The following DZIP1L variants were observed in gnomAD, a reference collection of about 807,000 sequenced individuals.
The protein encoded by DZIP1L is cilium assembly protein DZIP1L.
Under a neutral mutation model 88.7 loss-of-function variants are expected in DZIP1L, and 90 were observed. The ratio of observed to expected loss-of-function variants is 1.02; its 90% CI spans 0.86 to 1.21. DZIP1L has a LOEUF of 1.21. DZIP1L is among the 50% of genes most tolerant of loss of function. The probability of loss-of-function intolerance (pLI) is 0.00; values close to 1 mark genes in which losing one functional copy is unlikely to be tolerated. For synonymous variants in DZIP1L, 363 were observed against 372.1 expected (o/e 0.98, Z 0.28); for missense variants, 932 against 955.8 (o/e 0.98, Z 0.33).
At chr3:138,105,103 C>A (rs944751157) in intron 1 of DZIP1L, among the ~76,000 whole-genome samples, 8 of 152,058 alleles carry the variant, frequency 5.3e-5, no homozygotes, top group Non-Finnish European at 7.4e-5. Context: ...AAATGATAAT[C>A]TCCAATATAT....
chr3:138,110,146 T>C (rs2042594130), intron 1 of DZIP1L, among the ~76,000 whole-genome samples: 1 of 152,100 alleles, frequency 6.6e-6, no homozygotes, highest in African/African-American at 2.4e-5. Context: ...GCTTTTGGTG[T>C]TTTAGTCATG....
intron 5 of DZIP1L, among the ~76,000 whole-genome samples, chr3:138,091,135 C>T (rs1012960201): frequency 6.6e-5 from 10 of 151,364 alleles, no homozygotes; most frequent in African/African-American, 2.4e-4. Context: ...GCTGGGATTA[C>T]AGGTGTGAGC....
intron 6 of DZIP1L, among the ~76,000 whole-genome samples, chr3:138,088,019 T>C (rs552307258): frequency 3.3e-5 from 5 of 152,308 alleles, no homozygotes; most frequent in South Asian, 2.1e-4. Flanking sequence ...AGAGAGCTGG[T>C]TGCTAAACAA....
chr3:138,105,032 A>G (rs1344581912), intron 1 of DZIP1L, among the ~76,000 whole-genome samples: 2 of 152,224 alleles, frequency 1.3e-5, no homozygotes, highest in South Asian at 2.1e-4. Flanking sequence ...ATGTATCTCT[A>G]TGCAATGGAA....
At chr3:138,068,960 A>G in intron 12 of DZIP1L, 1 of 1,263,524 alleles carries the variant, frequency 7.9e-7, no homozygotes, top group Non-Finnish European at 1.0e-6. Flanking sequence ...AGTGCATCAC[A>G]GGGAGTCAGA....
intron 12 of DZIP1L, chr3:138,068,879 A>G (rs1943042801): frequency 8.2e-7 from 1 of 1,224,602 alleles, no homozygotes; most frequent in Non-Finnish European, 1.0e-6. Context: ...CTGTTTTCCA[A>G]ATTGCATCAA....
intron 7 of DZIP1L, 85 bp downstream of exon 7, chr3:138,086,876 G>C: frequency 7.2e-7 from 1 of 1,392,054 alleles, no homozygotes; most frequent in South Asian, 1.2e-5. Context: ...AGGGGAGATG[G>C]TGGGTGAGGG....
At chr3:138,072,838 G>A (rs1212606236) in intron 11 of DZIP1L, among the ~76,000 whole-genome samples, 3 of 152,304 alleles carry the variant, frequency 2.0e-5, no homozygotes, top group East Asian at 1.9e-4. Context: ...CAGTGCGAGT[G>A]AGACCGGACT....
chr3:138,080,479 T>C (rs1361839748), intron 10 of DZIP1L, 88 bp downstream of exon 10: 4 of 1,439,478 alleles, frequency 2.8e-6, no homozygotes, highest in Non-Finnish European at 3.9e-6. Flanking sequence ...GATGTCCAGA[T>C]ACAGTTAAGT....
chr3:138,097,914 A>G lies in DZIP1L; in HGVS notation c.502-67T>C, dbSNP rs981759595. 3.6e-6 allele frequency: 5 copies of G among 1,399,634 alleles called. No homozygotes were observed. The East Asian group carries it at 7.2e-5, about 20-fold the overall frequency. 86.7% of individuals were successfully genotyped at this position (1,399,634 alleles called of 1,614,324 possible). On this transcript the variant is annotated intron_variant, in intron 2 of 15. Coordinates refer to ENST00000327532, the MANE Select transcript of DZIP1L (RefSeq NM_173543.3). ...CCTGAGTCAGCCTGGGATTTTCCCT[A>G]TATCAAAGCCCCCATCCCCTTGGGA...
rs755341125 is a variant in DZIP1L at position 138,103,864 on chromosome 3, T to G, written c.108A>C (p.Arg36Ser). Reference sequence around the variant, plus strand: ...GGTCTACATCCAGGGTGCTAATGCGTCTCCAGTCCATGCTATCATGGCGAG... The same window carrying G: ...GGTCTACATCCAGGGTGCTAATGCGGCTCCAGTCCATGCTATCATGGCGAG... ...FQPRHDSMDW[R>S]RISTLDVDRV... The change falls in exon 2 of 16, where the codon AGA (arginine) becomes AGC (serine). Residue 36 changes from arginine (R) to serine (S), a missense_variant. Coordinates refer to ENST00000327532, the MANE Select transcript of DZIP1L (RefSeq NM_173543.3). 1 of 1,614,024 alleles carries G rather than the reference T, an allele frequency of 6.2e-7. No homozygotes were observed. The highest frequency in any genetic ancestry group is 1.7e-5 in the Admixed American group (1 of 60,030).
At chr3:138,100,030 C>CT (rs761034387) in intron 2 of DZIP1L, among the ~76,000 whole-genome samples, 264 of 144,158 alleles carry the variant, frequency 1.8e-3, no homozygotes, top group East Asian at 0.012. Context: ...AACCCCCATC[C>CT]TTTTTTTTTT....
intron 5 of DZIP1L, chr3:138,088,726 T>A (rs1331436085): frequency 4.1e-6 from 5 of 1,222,234 alleles, no homozygotes; most frequent in Non-Finnish European, 5.1e-6. Context: ...AGCAATTCCA[T>A]GGAAGAACAA....
intron 15 of DZIP1L, chr3:138,064,374 T>C: frequency 7.5e-7 from 1 of 1,330,534 alleles, no homozygotes. Flanking sequence ...AGGCAGGAGA[T>C]GGGACAATCA....
intron 10 of DZIP1L, chr3:138,080,288 CCTCA>C: frequency 3.3e-6 from 1 of 306,084 alleles, no homozygotes. Flanking sequence ...CCCTCCAAAT[CCTCA>C]CTCAGTTACC....
intron 3 of DZIP1L, among the ~76,000 whole-genome samples, chr3:138,096,368 TA>T (rs1222974089): frequency 6.6e-6 from 1 of 152,234 alleles, no homozygotes; most frequent in East Asian, 1.9e-4. Context: ...GGGTAAGCCA[TA>T]TATTCAACAG....
rs1041446332 is a variant in DZIP1L at position 138,062,707 on chromosome 3, T to C, written c.*109A>G. 2.4e-5 allele frequency: 30 copies of C among 1,249,776 alleles called. 1 individual carries two copies. 77.4% of individuals were successfully genotyped at this position (1,249,776 alleles called of 1,614,324 possible). On this transcript the variant is annotated 3_prime_UTR_variant, in exon 16 of 16. Transcript: ENST00000327532. ...GCACTGCTTCTCTCCAAGAGGATGATCTCTTGGTTGTTTGTGAAGACAAGA... is the reference window on the plus strand; with the variant it reads ...GCACTGCTTCTCTCCAAGAGGATGACCTCTTGGTTGTTTGTGAAGACAAGA...
In DZIP1L at chr3:138,101,819, G is replaced by A. The variant is rs1427242876; in HGVS notation, c.501+1652C>T. On this transcript the variant is annotated intron_variant, in intron 2 of 15. Coordinates refer to ENST00000327532, the MANE Select transcript of DZIP1L (RefSeq NM_173543.3). ...ACATTCATCAGCTCCTGATACTCACGCAGCTGCCGCTCCATGTCCTGCTTG... is the reference window on the plus strand; with the variant it reads ...ACATTCATCAGCTCCTGATACTCACACAGCTGCCGCTCCATGTCCTGCTTG... 3.9e-5 allele frequency: 47 copies of A among 1,212,392 alleles called. 1 individual carries two copies. Among genetic ancestry groups the A allele is most frequent in the South Asian group, 1.9e-4 (16 of 82,912 alleles). 75.1% of individuals were successfully genotyped at this position (1,212,392 alleles called of 1,614,324 possible).
chr3:138,080,485 T>G, intron 10 of DZIP1L, 82 bp downstream of exon 10: 1 of 1,495,378 alleles, frequency 6.7e-7, no homozygotes, highest in Non-Finnish European at 9.3e-7. Context: ...CAGATACAGT[T>G]AAGTAGAGAC....
Sources: allele counts gnomAD v4.1 joint callset (sites outside exome capture counted in the v4.1 genomes callset), GRCh38; gene constraint gnomAD v4.1.1; transcripts MANE v1.5; gene names NCBI Gene and HGNC (gene_info 2026-07-23, HGNC 2026-07-21).